Variants in CLVS1 observed in about 807,000 individuals in gnomAD.
The protein encoded by CLVS1 is clavesin-1.
CLVS1 carries 10 observed loss-of-function variants against 33.1 expected under a neutral mutation model. That is an observed-to-expected ratio of 0.30 (90% CI 0.19 to 0.51). CLVS1 has a LOEUF of 0.51. CLVS1 is among the 20% of genes least tolerant of loss of function. The pLI, the probability that CLVS1 is intolerant of heterozygous loss-of-function variation, is 0.97. For synonymous variants in CLVS1, 163 were observed against 166.1 expected (o/e 0.98, Z 0.14); for missense variants, 343 against 433.4 (o/e 0.79, Z 1.85).
chr8:61,108,333 T>C (rs1805573825), intron 1 of CLVS1, among the ~76,000 whole-genome samples: 1 of 152,196 alleles, frequency 6.6e-6, no homozygotes, highest in African/African-American at 2.4e-5. Context: ...AGGTTTCCCT[T>C]GTACAATGAA....
At chr8:61,471,024 G>A (rs193070045) in intron 5 of CLVS1, among the ~76,000 whole-genome samples, 3 of 152,288 alleles carry the variant, frequency 2.0e-5, no homozygotes, top group African/African-American at 7.2e-5. Context: ...AGGGCTCCAC[G>A]TACACAGCCC....
chr8:61,437,220 C>T (rs1816363282), intron 3 of CLVS1, among the ~76,000 whole-genome samples: 1 of 152,140 alleles, frequency 6.6e-6, no homozygotes, highest in South Asian at 2.1e-4. Flanking sequence ...ACTTGTAATC[C>T]CTTCATTTGT....
chr8:61,053,787 A>G (rs1353279970), upstream of CLVS1, among the ~76,000 whole-genome samples: 1 of 152,224 alleles, frequency 6.6e-6, no homozygotes, highest in Non-Finnish European at 1.5e-5. Flanking sequence ...TGGAGCTGTC[A>G]GGAAATATTG....
chr8:60,977,943 T>A, the CLVS1 span, among the ~76,000 whole-genome samples: 1 of 152,212 alleles, frequency 6.6e-6, no homozygotes, highest in Non-Finnish European at 1.5e-5. Context: ...GTACAAGGAA[T>A]TTGCAATAAG....
At chr8:61,475,219 C>T (rs1374595834) in intron 5 of CLVS1, among the ~76,000 whole-genome samples, 1 of 152,094 alleles carries the variant, frequency 6.6e-6, no homozygotes, top group Non-Finnish European at 1.5e-5. Flanking sequence ...GGGTTGGTTC[C>T]AAGTCTTTGC....
At chr8:61,141,252 TC>T (rs1460962865) in intron 2 of CLVS1, among the ~76,000 whole-genome samples, 1 of 152,128 alleles carries the variant, frequency 6.6e-6, no homozygotes, top group East Asian at 1.9e-4. Context: ...CTTGTCCTTC[TC>T]CCACTTTGCA....
intron 2 of CLVS1, among the ~76,000 whole-genome samples, chr8:61,346,221 C>T (rs932174315): frequency 1.3e-5 from 2 of 152,038 alleles, no homozygotes; most frequent in East Asian, 1.9e-4. Context: ...TCACTCTAAA[C>T]GATTACATCA....
At chr8:61,303,485 A>ACTTTATGG (rs1810508456) in intron 2 of CLVS1, among the ~76,000 whole-genome samples, 1 of 152,168 alleles carries the variant, frequency 6.6e-6, no homozygotes, top group South Asian at 2.1e-4. Context: ...TTAAAAATTC[A>ACTTTATGG]CTTTATGGTC....
intron 3 of CLVS1, among the ~76,000 whole-genome samples, chr8:61,451,643 C>T (rs754077133): frequency 6.6e-6 from 1 of 152,024 alleles, no homozygotes; most frequent in Non-Finnish European, 1.5e-5. Context: ...CGGTAGGCCT[C>T]TTGGGGTTCT....
At chr8:61,047,462 T>C in the CLVS1 span, among the ~76,000 whole-genome samples, 8 of 152,164 alleles carry the variant, frequency 5.3e-5, no homozygotes, top group Non-Finnish European at 8.8e-5. Context: ...ACTGGGTATA[T>C]ACCCAAAGGA....
chr8:61,281,192 C>T (rs559171941), intron 2 of CLVS1, among the ~76,000 whole-genome samples: 13 of 152,282 alleles, frequency 8.5e-5, no homozygotes, highest in East Asian at 3.9e-4. Context: ...TGAAAGTCTT[C>T]ATCAGTTGTT....
the CLVS1 span, among the ~76,000 whole-genome samples, chr8:61,040,816 CA>C: frequency 1.3e-5 from 2 of 152,168 alleles, no homozygotes; most frequent in Admixed American, 1.3e-4. Context: ...TTTCACCGTG[CA>C]AAAGCTGTTT....
At chr8:61,430,921 G>A (rs777285081) in intron 3 of CLVS1, among the ~76,000 whole-genome samples, 8 of 152,090 alleles carry the variant, frequency 5.3e-5, no homozygotes, top group Non-Finnish European at 1.0e-4. Flanking sequence ...TGAAGATGAC[G>A]GCAAGCTGGG....
the CLVS1 span, among the ~76,000 whole-genome samples, chr8:61,004,322 T>A: frequency 6.6e-6 from 1 of 152,210 alleles, no homozygotes; most frequent in Non-Finnish European, 1.5e-5. Context: ...TCTCCAGGCT[T>A]CTTTCTCAGC....
At chr8:61,041,206 C>A in the CLVS1 span, among the ~76,000 whole-genome samples, 1 of 152,092 alleles carries the variant, frequency 6.6e-6, no homozygotes, top group African/African-American at 2.4e-5. Flanking sequence ...TGTTTTTGTA[C>A]CAGTACCATG....
chr8:61,018,924 G>A, the CLVS1 span, among the ~76,000 whole-genome samples: 1 of 152,226 alleles, frequency 6.6e-6, no homozygotes, highest in African/African-American at 2.4e-5. Flanking sequence ...GAGCAAACAG[G>A]AAATTTCATG....
intron 2 of CLVS1, among the ~76,000 whole-genome samples, chr8:61,237,865 T>G (rs972712216): frequency 1.2e-3 from 187 of 150,870 alleles, no homozygotes; most frequent in African/African-American, 4.4e-3. Flanking sequence ...GGATGTGTGG[T>G]GGGCTTTCTG....
the CLVS1 span, among the ~76,000 whole-genome samples, chr8:60,978,809 C>CAAAAAAAA: frequency 5.8e-4 from 13 of 22,504 alleles, no homozygotes; most frequent in Admixed American, 1.6e-3. Flanking sequence ...GACTCCATCT[C>CAAAAAAAA]AAAAAAAAAA....
At chr8:61,124,825 T>G (rs1333362540) in intron 1 of CLVS1, among the ~76,000 whole-genome samples, 1 of 152,192 alleles carries the variant, frequency 6.6e-6, no homozygotes, top group East Asian at 1.9e-4. Flanking sequence ...GACACCCACG[T>G]AAATGCCATA....
Sources: gnomAD v4.1 joint callset for allele counts (sites outside exome capture counted in the v4.1 genomes callset) on GRCh38, gnomAD v4.1.1 for gene constraint, MANE v1.5 for transcripts, NCBI Gene and HGNC (gene_info 2026-07-23, HGNC 2026-07-21) for gene names.